ZNF385D: variants seen among roughly 807,000 people sequenced by gnomAD.
ZNF385D encodes zinc finger protein 659.
Under a neutral mutation model 35.8 loss-of-function variants are expected in ZNF385D, and 15 were observed. The observed-to-expected ratio is 0.42, with a 90% CI of 0.28 to 0.64. ZNF385D has a LOEUF of 0.64. Ranked by LOEUF, ZNF385D falls within the 30% of genes least tolerant of loss-of-function variation. The probability of loss-of-function intolerance (pLI) is 0.23; values close to 1 mark genes in which losing one functional copy is unlikely to be tolerated. For missense variants in ZNF385D, 474 were observed against 494.6 expected (o/e 0.96, Z 0.39); for synonymous variants, 212 against 186.8 (o/e 1.13, Z -1.10).
chr3:21,544,485 T>C (rs1157786278), intron 3 of ZNF385D, among the ~76,000 whole-genome samples: 1 of 152,190 alleles, frequency 6.6e-6, no homozygotes, highest in African/African-American at 2.4e-5. Flanking sequence ...ATGTAAACTT[T>C]CGCCTAGGGT....
At chr3:22,094,865 G>T (rs1165442699) in intron 3 of ZNF385D, among the ~76,000 whole-genome samples, 1 of 151,940 alleles carries the variant, frequency 6.6e-6, no homozygotes, top group Middle Eastern at 3.2e-3. Context: ...CAGCCTCATG[G>T]TTGCCAGATA....
chr3:22,335,985 T>TA (rs1695143364), intron 2 of ZNF385D, among the ~76,000 whole-genome samples: 1 of 152,126 alleles, frequency 6.6e-6, no homozygotes, highest in South Asian at 2.1e-4. Context: ...AATGTACATG[T>TA]ACTCAGTATT....
intron 3 of ZNF385D, among the ~76,000 whole-genome samples, chr3:21,784,793 G>C (rs989498611): frequency 1.3e-5 from 2 of 151,962 alleles, no homozygotes; most frequent in Non-Finnish European, 2.9e-5. Context: ...TAAGGACAGG[G>C]TCAATTTTAG....
chr3:21,983,197 G>T (rs1244536803), intron 3 of ZNF385D, among the ~76,000 whole-genome samples: 3 of 144,698 alleles, frequency 2.1e-5, no homozygotes, highest in African/African-American at 2.5e-5. Context: ...AAGTTTTAGG[G>T]TACATGTGCA....
chr3:22,287,140 T>C (rs1702066384), intron 2 of ZNF385D, among the ~76,000 whole-genome samples: 1 of 152,022 alleles, frequency 6.6e-6, no homozygotes, highest in Admixed American at 6.6e-5. Context: ...CTTCTTTTTC[T>C]TTTGTGACAG....
intron 1 of ZNF385D, among the ~76,000 whole-genome samples, chr3:21,728,658 C>A (rs567438141): frequency 1.7e-4 from 26 of 152,054 alleles, no homozygotes; most frequent in Admixed American, 7.2e-4. Context: ...TGTATTTTTG[C>A]CACTTTACAG....
chr3:22,240,777 C>T (rs1277750058), intron 2 of ZNF385D, among the ~76,000 whole-genome samples: 1 of 150,948 alleles, frequency 6.6e-6, no homozygotes, highest in African/African-American at 2.5e-5. Flanking sequence ...AGACTATGCA[C>T]CTGTAGAATA....
intron 3 of ZNF385D, among the ~76,000 whole-genome samples, chr3:22,068,174 T>C (rs1576258691): frequency 6.6e-6 from 1 of 152,214 alleles, no homozygotes; most frequent in Admixed American, 6.5e-5. Flanking sequence ...TTACTTTATC[T>C]TCTTTATTAG....
intron 3 of ZNF385D, among the ~76,000 whole-genome samples, chr3:21,809,699 T>C (rs1308214149): frequency 2.0e-5 from 3 of 147,896 alleles, no homozygotes; most frequent in East Asian, 3.9e-4. Flanking sequence ...TATATACATA[T>C]ATACACATAT....
At chr3:21,966,484 T>A (rs1702919331) in intron 3 of ZNF385D, among the ~76,000 whole-genome samples, 1 of 152,220 alleles carries the variant, frequency 6.6e-6, no homozygotes, top group Non-Finnish European at 1.5e-5. Flanking sequence ...CAGCAGAGGC[T>A]TTATAATCAG....
rs189114438 is a variant in ZNF385D at position 21,770,565 on chromosome 3, C to A, written c.326-105537G>T. 6.3e-3 allele frequency among the ~76,000 whole-genome samples: 954 copies of A among 152,082 alleles called. 3 individuals carry two copies. The highest frequency in any genetic ancestry group is 0.01 in the Non-Finnish European group (686 of 67,988). ...TACCATCTCACACCAGTTAGAATGG[C>A]GATCATTAAAAAGTGAGGAAACAAC... On this transcript the variant is annotated intron_variant, in intron 3 of 5. Transcript: ENST00000494108.
intron 3 of ZNF385D, among the ~76,000 whole-genome samples, chr3:21,777,434 T>C (rs1421178001): frequency 1.3e-5 from 2 of 151,974 alleles, no homozygotes; most frequent in Non-Finnish European, 2.9e-5. Flanking sequence ...TCATGGGTTA[T>C]CTCAGCACCA....
At chr3:21,824,910 T>C (rs769459311) in intron 3 of ZNF385D, among the ~76,000 whole-genome samples, 4 of 152,224 alleles carry the variant, frequency 2.6e-5, no homozygotes, top group Admixed American at 6.5e-5. Flanking sequence ...TGATTGTAAC[T>C]ATAATATGAT....
chr3:22,005,000 C>T (rs1278028012), intron 3 of ZNF385D, among the ~76,000 whole-genome samples: 21 of 131,328 alleles, frequency 1.6e-4, no homozygotes, highest in African/African-American at 6.0e-4. Context: ...CCTAAATTGA[C>T]TGAGACCTGC....
At chr3:21,867,771 T>C (rs1033643796) in intron 3 of ZNF385D, among the ~76,000 whole-genome samples, 1 of 152,094 alleles carries the variant, frequency 6.6e-6, no homozygotes, top group Non-Finnish European at 1.5e-5. Flanking sequence ...AACCAGTCTT[T>C]TTAGTCAGTT....
chr3:21,805,887 C>G (rs1267570186), intron 3 of ZNF385D, among the ~76,000 whole-genome samples: 1 of 152,120 alleles, frequency 6.6e-6, no homozygotes, highest in Non-Finnish European at 1.5e-5. Flanking sequence ...TAGCACTTGG[C>G]CAAAATGACT....
At chr3:22,222,971 C>T (rs1389772398) in intron 2 of ZNF385D, among the ~76,000 whole-genome samples, 2 of 152,066 alleles carry the variant, frequency 1.3e-5, no homozygotes, top group Non-Finnish European at 2.9e-5. Flanking sequence ...TGATAAGTAT[C>T]CCTGAAGTCT....
chr3:21,445,711 T>C (rs1317359674), intron 4 of ZNF385D, among the ~76,000 whole-genome samples: 1 of 152,190 alleles, frequency 6.6e-6, no homozygotes, highest in Non-Finnish European at 1.5e-5. Context: ...TGTTGGTAAT[T>C]GATAAACACG....
At chr3:21,796,091 A>G (rs2072138609) in intron 3 of ZNF385D, among the ~76,000 whole-genome samples, 1 of 152,198 alleles carries the variant, frequency 6.6e-6, no homozygotes, top group Admixed American at 6.5e-5. Flanking sequence ...CACTATGAAC[A>G]GTTGCTTTTC....
Sources: allele counts gnomAD v4.1 joint callset (sites outside exome capture counted in the v4.1 genomes callset), GRCh38; gene constraint gnomAD v4.1.1; transcripts MANE v1.5; gene names NCBI Gene and HGNC (gene_info 2026-07-23, HGNC 2026-07-21).